Variants in TAFA4 observed in about 807,000 individuals in gnomAD.
TAFA4 encodes the protein chemokine-like protein TAFA-4.
In TAFA4, 20 loss-of-function variants were observed where a neutral mutation model predicts 21.1. The ratio of observed to expected loss-of-function variants is 0.95; its 90% confidence interval spans 0.67 to 1.38. The LOEUF is 1.38. Among genes scored for constraint, TAFA4 ranks in the 40% most tolerant of loss-of-function variants. The probability of loss-of-function intolerance (pLI) is 0.00; values close to 1 mark genes in which losing one functional copy is unlikely to be tolerated. For synonymous variants in TAFA4, 71 were observed against 67.4 expected (o/e 1.05, Z -0.26); for missense variants, 211 against 180.9 (o/e 1.17, Z -0.95).
At chr3:68,784,234 T>C (rs1703207507) in intron 3 of TAFA4, among the ~76,000 whole-genome samples, 3 of 152,242 alleles carry the variant, frequency 2.0e-5, no homozygotes, top group East Asian at 1.9e-4. Flanking sequence ...CAACTTTTGA[T>C]GTAAATGGCT....
intron 3 of TAFA4, among the ~76,000 whole-genome samples, chr3:68,814,863 C>A (rs1311841714): frequency 6.6e-6 from 1 of 152,176 alleles, no homozygotes; most frequent in South Asian, 2.1e-4. Context: ...CAAGTCAATC[C>A]TAAGCCAAAA....
At chr3:68,756,897 C>G (rs1430660871) in intron 3 of TAFA4, among the ~76,000 whole-genome samples, 1 of 152,094 alleles carries the variant, frequency 6.6e-6, no homozygotes, top group African/African-American at 2.4e-5. Flanking sequence ...ACTGAGTGAG[C>G]AGAAAAGTAA....
At chr3:68,819,676 C>A (rs1704071730) in intron 3 of TAFA4, among the ~76,000 whole-genome samples, 1 of 152,136 alleles carries the variant, frequency 6.6e-6, no homozygotes, top group Admixed American at 6.5e-5. Flanking sequence ...ATATAAATGG[C>A]TGACAAGTCA....
intron 3 of TAFA4, among the ~76,000 whole-genome samples, chr3:68,823,159 G>T (rs1704149955): frequency 6.6e-6 from 1 of 152,124 alleles, no homozygotes; most frequent in South Asian, 2.1e-4. Context: ...AGGTCTTCAG[G>T]CTTGAAGGGG....
intron 3 of TAFA4, among the ~76,000 whole-genome samples, chr3:68,829,776 T>G (rs1043178275): frequency 6.6e-6 from 1 of 152,192 alleles, no homozygotes; most frequent in Non-Finnish European, 1.5e-5. Context: ...CCTGGTCATC[T>G]TTGTACCTCT....
intron 1 of TAFA4, among the ~76,000 whole-genome samples, chr3:68,906,645 A>G (rs1419855697): frequency 6.6e-6 from 1 of 152,126 alleles, no homozygotes; most frequent in Non-Finnish European, 1.5e-5. Flanking sequence ...TGTCAACCAG[A>G]GAGTGGACTT....
chr3:68,925,696 T>C (rs2090100929), intron 1 of TAFA4, among the ~76,000 whole-genome samples: 1 of 152,192 alleles, frequency 6.6e-6, no homozygotes, highest in Admixed American at 6.5e-5. Flanking sequence ...TAGAATAACA[T>C]ATAGCCATGA....
chr3:68,813,532 A>C (rs1159013704), intron 3 of TAFA4, among the ~76,000 whole-genome samples: 2 of 152,238 alleles, frequency 1.3e-5, no homozygotes, highest in African/African-American at 4.8e-5. Flanking sequence ...AGAATAGTAT[A>C]AACACCTCTA....
chr3:68,774,281 C>T (rs4855508), intron 3 of TAFA4, among the ~76,000 whole-genome samples: 20,873 of 152,134 alleles, frequency 0.14, 1,998 homozygotes, highest in East Asian at 0.31. Flanking sequence ...TTTCATTCTG[C>T]TGCAAGCATT....
chr3:68,732,346 T>C lies in TAFA4; in HGVS notation c.*796A>G, dbSNP rs1049232096. ...CTTGATCTAAATTGAGATTGTTTTA[T>C]ATTTTAAATGATTTACCTACATGAC... On this transcript the variant is annotated 3_prime_UTR_variant, in exon 6 of 6. Coordinates refer to ENST00000295569, the MANE Select transcript of TAFA4 (RefSeq NM_182522.5). 3 of 152,620 alleles carry C rather than the reference T, an allele frequency of 2.0e-5. No individual in the cohort carries two copies. Among genetic ancestry groups the C allele is most frequent in the African/African-American group, 7.2e-5 (3 of 41,450 alleles). 9.5% of individuals were successfully genotyped at this position (152,620 alleles called of 1,614,324 possible). A position where few individuals can be genotyped will look rare whatever the true frequency, so the allele number is the denominator to read the frequency against.
At chr3:68,746,914 C>T (rs1363086556) in intron 4 of TAFA4, among the ~76,000 whole-genome samples, 1 of 152,164 alleles carries the variant, frequency 6.6e-6, no homozygotes, top group Non-Finnish European at 1.5e-5. Context: ...TCGTGGCGGT[C>T]AATCCTGTAC....
chr3:68,842,856 G>A (rs547380842), intron 3 of TAFA4, among the ~76,000 whole-genome samples: 10 of 150,470 alleles, frequency 6.6e-5, no homozygotes, highest in South Asian at 2.1e-4. Flanking sequence ...AGGGTTTGGC[G>A]TTATTTCTGA....
At chr3:68,754,900 T>C (rs1050378249) in intron 3 of TAFA4, among the ~76,000 whole-genome samples, 1 of 152,220 alleles carries the variant, frequency 6.6e-6, no homozygotes, top group African/African-American at 2.4e-5. Flanking sequence ...TCTGAGAACT[T>C]ACTAACCTTC....
chr3:68,861,941 T>C (rs1268374496), intron 3 of TAFA4, among the ~76,000 whole-genome samples: 2 of 152,050 alleles, frequency 1.3e-5, no homozygotes, highest in Non-Finnish European at 2.9e-5. Context: ...CCCCACATCA[T>C]TCACGTGCAA....
At chr3:68,828,100 C>A (rs895033255) in intron 3 of TAFA4, among the ~76,000 whole-genome samples, 1 of 152,088 alleles carries the variant, frequency 6.6e-6, no homozygotes, top group African/African-American at 2.4e-5. Context: ...CTACATATGG[C>A]TAGTTTTCAC....
At chr3:68,809,060 G>A (rs1485190878) in intron 3 of TAFA4, among the ~76,000 whole-genome samples, 1 of 152,112 alleles carries the variant, frequency 6.6e-6, no homozygotes, top group Non-Finnish European at 1.5e-5. Flanking sequence ...GGCAGAGAAG[G>A]GAGGAGCAAC....
At chr3:68,846,639 T>G (rs1362292859) in intron 3 of TAFA4, among the ~76,000 whole-genome samples, 1 of 152,200 alleles carries the variant, frequency 6.6e-6, no homozygotes, top group Non-Finnish European at 1.5e-5. Context: ...ACTGGTTTTT[T>G]CCTCATCTTC....
At chr3:68,767,844 T>A (rs1230322870) in intron 3 of TAFA4, among the ~76,000 whole-genome samples, 1 of 151,996 alleles carries the variant, frequency 6.6e-6, no homozygotes. Context: ...TATGCATACA[T>A]GTACAAGAAT....
intron 3 of TAFA4, among the ~76,000 whole-genome samples, chr3:68,782,505 T>C (rs906959264): frequency 6.6e-6 from 1 of 152,060 alleles, no homozygotes; most frequent in African/African-American, 2.4e-5. Flanking sequence ...TATCAATGGA[T>C]GAATGAATAA....
Sources: gnomAD v4.1 joint callset for allele counts (sites outside exome capture counted in the v4.1 genomes callset) on GRCh38, gnomAD v4.1.1 for gene constraint, MANE v1.5 for transcripts, NCBI Gene and HGNC (gene_info 2026-07-23, HGNC 2026-07-21) for gene names.